The following WDR37 variants were observed in gnomAD, a reference collection of about 807,000 sequenced individuals.
The protein encoded by WDR37 is WD repeat domain 37.
In WDR37, 19 loss-of-function variants were observed where a neutral mutation model predicts 62.9. The observed-to-expected ratio is 0.30, with a 90% CI of 0.21 to 0.44. The LOEUF (loss-of-function observed/expected upper bound fraction) is 0.44, where lower values mean the gene tolerates loss of function less well. Among genes scored for constraint, WDR37 ranks in the 20% least tolerant of loss-of-function variants. The pLI is 1.00. For synonymous variants in WDR37, 250 were observed against 260.9 expected (o/e 0.96, Z 0.40); for missense variants, 474 against 657.6 (o/e 0.72, Z 3.05).
chr10:1,123,113 G>A (rs995188668), intron 11 of WDR37, among the ~76,000 whole-genome samples: 10 of 152,054 alleles, frequency 6.6e-5, no homozygotes, highest in Admixed American at 3.9e-4. Flanking sequence ...TCGGTTCCTC[G>A]AGCCTCTCCC....
intron 11 of WDR37, among the ~76,000 whole-genome samples, chr10:1,118,730 A>C (rs1835480600): frequency 6.6e-6 from 1 of 152,186 alleles, no homozygotes; most frequent in Admixed American, 6.5e-5. Flanking sequence ...CTTTGTAAAA[A>C]AAAAGACTAT....
rs575785009 is a variant in WDR37, at chr10:1,089,321, C to T, written c.604+2964C>T. Among the ~76,000 whole-genome samples the T allele has an allele frequency of 2.6e-5, 4 of 152,270 alleles. No individual in the cohort carries two copies. The East Asian group carries it at 7.7e-4, about 29-fold the overall frequency. On this transcript the variant is annotated intron_variant, in intron 7 of 13. Transcript: ENST00000263150. ...GGACTGCACCCTCGCTCCGGCTGGTCTCTGTGCCTTGAGGGAGTGCGTCAG... is the reference window on the plus strand; with the variant it reads ...GGACTGCACCCTCGCTCCGGCTGGTTTCTGTGCCTTGAGGGAGTGCGTCAG...
At chr10:1,064,636 C>A (rs11250245) in intron 1 of WDR37, among the ~76,000 whole-genome samples, 81,669 of 136,242 alleles carry the variant, frequency 0.6, 24,263 homozygotes, top group Middle Eastern at 0.7. Context: ...TGCTCTGTCA[C>A]CCAGGCTGGA....
intron 13 of WDR37, among the ~76,000 whole-genome samples, chr10:1,125,906 G>A (rs928161534): frequency 2.0e-5 from 3 of 152,226 alleles, no homozygotes; most frequent in Admixed American, 1.3e-4. Flanking sequence ...CAGCCCACCC[G>A]TCCTGGTTGC....
chr10:1,062,865 A>ATCACAAGG (rs1457351562), intron 1 of WDR37, among the ~76,000 whole-genome samples: 1 of 152,204 alleles, frequency 6.6e-6, no homozygotes, highest in Non-Finnish European at 1.5e-5. Flanking sequence ...AGGCGGGCAG[A>ATCACAAGG]TCACAAGGTC....
chr10:1,086,402 C>T, intron 7 of WDR37, 45 bp downstream of exon 7: 10 of 1,507,406 alleles, frequency 6.6e-6, no homozygotes, highest in Non-Finnish European at 9.2e-6. Context: ...CCGTTGCCTT[C>T]TCCAGTGTGT....
chr10:1,087,575 C>T (rs981168568), intron 7 of WDR37, among the ~76,000 whole-genome samples: 4 of 152,170 alleles, frequency 2.6e-5, no homozygotes, highest in South Asian at 4.1e-4. Flanking sequence ...TGAGCAGGTG[C>T]GTTGTCAATG....
intron 7 of WDR37, among the ~76,000 whole-genome samples, chr10:1,092,462 CT>C (rs1468050620): frequency 8.6e-5 from 13 of 151,672 alleles, no homozygotes; most frequent in African/African-American, 2.9e-4. Flanking sequence ...CTCTGCCCCC[CT>C]GGGTTCATGC....
chr10:1,089,472 T>C (rs1834309918), intron 7 of WDR37, among the ~76,000 whole-genome samples: 1 of 152,110 alleles, frequency 6.6e-6, no homozygotes, highest in African/African-American at 2.4e-5. Context: ...TTAATTCCAC[T>C]AGGGGGTCTG....
chr10:1,090,846 C>T (rs543622971), intron 7 of WDR37, among the ~76,000 whole-genome samples: 1 of 152,338 alleles, frequency 6.6e-6, no homozygotes, highest in African/African-American at 2.4e-5. Context: ...CCCGTTTCTG[C>T]TCCCCTCGTG....
At chr10:1,109,960 T>C (rs1835158921) in intron 11 of WDR37, among the ~76,000 whole-genome samples, 1 of 152,202 alleles carries the variant, frequency 6.6e-6, no homozygotes, top group African/African-American at 2.4e-5. Context: ...CACATGGGTC[T>C]TCCAGGCTGT....
intron 11 of WDR37, among the ~76,000 whole-genome samples, chr10:1,110,267 G>T (rs1308043643): frequency 3.9e-5 from 6 of 152,226 alleles, no homozygotes; most frequent in Non-Finnish European, 8.8e-5. Flanking sequence ...GTCAGCAGGT[G>T]GAGCCGTGGA....
intron 9 of WDR37, among the ~76,000 whole-genome samples, chr10:1,100,400 T>C (rs1034288845): frequency 6.6e-6 from 1 of 151,966 alleles, no homozygotes; most frequent in Non-Finnish European, 1.5e-5. Flanking sequence ...CACTACTGGA[T>C]GAAATGAGGC....
At chr10:1,111,394 C>CT (rs893784578) in intron 11 of WDR37, among the ~76,000 whole-genome samples, 4 of 152,014 alleles carry the variant, frequency 2.6e-5, no homozygotes, top group African/African-American at 9.7e-5. Flanking sequence ...TCCCCACTTT[C>CT]TTTTTTTTCT....
chr10:1,100,524 CTGTGTTCATCT>C (rs1834759076), intron 9 of WDR37, among the ~76,000 whole-genome samples: 1 of 152,218 alleles, frequency 6.6e-6, no homozygotes, highest in Admixed American at 6.5e-5. Context: ...CTGTTAAAAT[CTGTGTTCATCT>C]TGAATCATTA....
intron 1 of WDR37, among the ~76,000 whole-genome samples, chr10:1,069,389 A>ATATATATATATATATATATATATATATTT: frequency 1.0e-5 from 1 of 95,806 alleles, no homozygotes; most frequent in Non-Finnish European, 1.9e-5. Context: ...ATATATATAT[A>ATATATATATATATATATATATATATATTT]TTTTTTTTTT....
At position 1,121,131 on chromosome 10, in the gene WDR37, C is replaced by T. The variant is rs1228147297; in HGVS notation, c.1104-3087C>T. Among the ~76,000 whole-genome samples the T allele has an allele frequency of 4.6e-5, 7 of 152,250 alleles. No individual in the cohort carries two copies. On this transcript the variant is annotated intron_variant, in intron 11 of 13. Transcript: ENST00000263150. The surrounding 1 kb of genome is among the most constrained non-coding windows in gnomAD (Gnocchi z 4.5). ...CTGTGGGCTGAGGGTGCCTTGGAAA[C>T]TGCTGCCTCTTTGCCAGTTCTTTTT...
At chr10:1,070,731 A>G (rs2387217) in intron 1 of WDR37, among the ~76,000 whole-genome samples, 19,459 of 152,272 alleles carry the variant, frequency 0.13, 1,441 homozygotes, top group East Asian at 0.19. Context: ...TTTTGTGAAT[A>G]CATTTCATCT....
At position 1,124,213 on chromosome 10, in the gene WDR37, C is replaced by T. The variant is rs747606219; in HGVS notation, c.1104-5C>T. 1 of 1,614,170 alleles carries T rather than the reference C, an allele frequency of 6.2e-7. No homozygotes were observed. The highest frequency in any genetic ancestry group is 8.5e-7 in the Non-Finnish European group (1 of 1,180,028). On this transcript the variant is annotated splice_polypyrimidine_tract_variant and splice_region_variant and intron_variant, in intron 11 of 13. Transcript: ENST00000263150. Reference sequence around the variant, plus strand: ...TGCATCTGACTCTGTGCCCTTTGTTCATAGCACTGTGACTTCTGCCGTGTT... The same window carrying T: ...TGCATCTGACTCTGTGCCCTTTGTTTATAGCACTGTGACTTCTGCCGTGTT...
Sources: allele counts gnomAD v4.1 joint callset (sites outside exome capture counted in the v4.1 genomes callset), GRCh38; gene constraint gnomAD v4.1.1; non-coding constraint Gnocchi (gnomAD v3.1); transcripts MANE v1.5; gene names NCBI Gene and HGNC (gene_info 2026-07-23, HGNC 2026-07-21).